PLXNC1: variants seen among roughly 807,000 people sequenced by gnomAD.
PLXNC1 encodes the protein plexin-C1.
A neutral mutation model predicts 178.2 loss-of-function variants in PLXNC1; 75 were observed. That is an observed-to-expected ratio of 0.42 (90% CI 0.35 to 0.51). The LOEUF (loss-of-function observed/expected upper bound fraction) is 0.51. PLXNC1 is among the 20% of genes least tolerant of loss of function. PLXNC1 has a pLI of 0.02. For synonymous variants in PLXNC1, 790 were observed against 779.9 expected, an observed-to-expected ratio of 1.01 and a Z score of -0.22; for missense variants, 1,503 against 1,984.4, an observed-to-expected ratio of 0.76 and a Z score of 4.61.
intron 2 of PLXNC1, chr12:94,176,518 G>T (rs1962056604): frequency 6.6e-6 from 1 of 152,152 alleles, no homozygotes; most frequent in Non-Finnish European, 1.5e-5. Context: ...GGATTATGGA[G>T]AGCATTGTTT....
chr12:94,276,002 C>T (rs1965930498), intron 21 of PLXNC1, among the ~76,000 whole-genome samples: 1 of 152,138 alleles, frequency 6.6e-6, no homozygotes, highest in African/African-American at 2.4e-5. Context: ...ACCTCTTTTC[C>T]ACCCATCCAG....
At chr12:94,152,964 T>C (rs1341676556) in intron 1 of PLXNC1, among the ~76,000 whole-genome samples, 1 of 152,246 alleles carries the variant, frequency 6.6e-6, no homozygotes, top group East Asian at 1.9e-4. Flanking sequence ...GAATCCACTT[T>C]CATAACTGTA....
chr12:94,257,818 AATGGTGTGAACCTGGGAGGCGG>A (rs1379484114), intron 17 of PLXNC1, among the ~76,000 whole-genome samples: 1 of 152,158 alleles, frequency 6.6e-6, no homozygotes, highest in Non-Finnish European at 1.5e-5. Flanking sequence ...GAGGCAGGAG[AATGGTGTGAACCTGGGAGGCGG>A]AGCTTGCAGT....
intron 2 of PLXNC1, among the ~76,000 whole-genome samples, chr12:94,175,764 C>G (rs1397282329): frequency 6.6e-6 from 1 of 152,238 alleles, no homozygotes; most frequent in Non-Finnish European, 1.5e-5. Context: ...GTGCCAGGCA[C>G]TGTTCTGGGT....
At chr12:94,216,300 C>A (rs1371376197) in intron 5 of PLXNC1, among the ~76,000 whole-genome samples, 1 of 149,032 alleles carries the variant, frequency 6.7e-6, no homozygotes, top group Non-Finnish European at 1.5e-5. Context: ...AAAGCACACA[C>A]TTCAGGAAAA....
intron 7 of PLXNC1, among the ~76,000 whole-genome samples, chr12:94,225,570 A>G (rs933144681): frequency 6.6e-6 from 1 of 152,236 alleles, no homozygotes; most frequent in African/African-American, 2.4e-5. Context: ...AGAATTATAT[A>G]GCTCAAAGAC....
intron 21 of PLXNC1, among the ~76,000 whole-genome samples, chr12:94,270,487 G>T (rs1000457483): frequency 6.6e-6 from 1 of 152,098 alleles, no homozygotes; most frequent in African/African-American, 2.4e-5. Context: ...CCACAAACAG[G>T]TTGGCCTCTT....
In PLXNC1 at chr12:94,189,281, C is replaced by T. The variant is rs190230899; in HGVS notation, c.1439+2808C>T. 3.9e-5 allele frequency among the ~76,000 whole-genome samples: 6 copies of T among 152,236 alleles called. No individual in the cohort carries two copies. The East Asian group carries it at 1.2e-3, about 29-fold the overall frequency. ...GATGATATCGATATGGATGTTGATT[C>T]ATATAATGATGGCACTTGGGCTCTA... On this transcript the variant is annotated intron_variant, in intron 4 of 30. Transcript: ENST00000258526.
chr12:94,286,427 G>A (rs1966842742), intron 23 of PLXNC1, among the ~76,000 whole-genome samples: 2 of 152,002 alleles, frequency 1.3e-5, no homozygotes, highest in African/African-American at 2.4e-5. Context: ...TGATTAAGCA[G>A]CGCCTCCGCA....
chr12:94,158,475 A>C (rs1203985689), intron 1 of PLXNC1, among the ~76,000 whole-genome samples: 3 of 152,160 alleles, frequency 2.0e-5, no homozygotes, highest in East Asian at 1.9e-4. Flanking sequence ...TATCAATCGG[A>C]AGCTCCCTAT....
intron 23 of PLXNC1, among the ~76,000 whole-genome samples, chr12:94,284,087 G>GAAAAA (rs796439911): frequency 1.9e-3 from 161 of 82,608 alleles, no homozygotes; most frequent in East Asian, 3.4e-3. Flanking sequence ...CATGTCAGGG[G>GAAAAA]AAAAAAAAAA....
chr12:94,204,355 G>C (rs574241981), intron 4 of PLXNC1, among the ~76,000 whole-genome samples: 1 of 152,324 alleles, frequency 6.6e-6, no homozygotes, highest in African/African-American at 2.4e-5. Flanking sequence ...AATTATTGCA[G>C]CTACTTAGAG....
intron 2 of PLXNC1, among the ~76,000 whole-genome samples, chr12:94,176,009 T>G (rs1329852027): frequency 6.6e-6 from 1 of 152,170 alleles, no homozygotes; most frequent in Non-Finnish European, 1.5e-5. Flanking sequence ...TATACAAGCA[T>G]ACACATGGAG....
rs962092304 is a variant in PLXNC1 at position 94,307,420 on chromosome 12, T to A, written c.*2135T>A. On this transcript the variant is annotated 3_prime_UTR_variant, in exon 31 of 31. Coordinates refer to ENST00000258526, the MANE Select transcript of PLXNC1 (RefSeq NM_005761.3). ...AAGACAATCAGTCACTGGGTCTATA[T>A]TAAACAGCAACCAGAGCAACAAATG... 6.6e-6 allele frequency: 1 copy of A among 152,244 alleles called. No individual in the cohort carries two copies. Among genetic ancestry groups the A allele is most frequent in the Non-Finnish European group, 1.5e-5 (1 of 68,042 alleles). The allele number at this position is 152,244 out of a possible 1,614,324, so 9.4% of individuals were successfully genotyped here. A position where few individuals can be genotyped will look rare whatever the true frequency, so the allele number is the denominator to read the frequency against.
chr12:94,227,069 T>A lies in PLXNC1; in HGVS notation c.1894-80T>A. ...AAAATAAATGTTTGTGACTGCCTGG[T>A]CCTACCTTCTCTTTTATGTTTGTTG... On this transcript the variant is annotated intron_variant, in intron 8 of 30. Transcript: ENST00000258526. The A allele has an allele frequency of 5.4e-6, 5 of 934,456 alleles. No homozygotes were observed. The South Asian group carries it at 6.7e-5, about 13-fold the overall frequency. 57.9% of individuals were successfully genotyped at this position (934,456 alleles called of 1,614,324 possible). A position where few individuals can be genotyped will look rare whatever the true frequency, so the allele number is the denominator to read the frequency against.
chr12:94,183,996 G>A (rs530731112), intron 3 of PLXNC1, among the ~76,000 whole-genome samples: 2 of 152,200 alleles, frequency 1.3e-5, no homozygotes, highest in South Asian at 4.1e-4. Flanking sequence ...CCATAAAATG[G>A]TATGATACGG....
rs1037104698 is a variant in PLXNC1 at position 94,219,896 on chromosome 12, C to G, written c.1555-120C>G. On this transcript the variant is annotated intron_variant, in intron 5 of 30. Coordinates refer to ENST00000258526, the MANE Select transcript of PLXNC1 (RefSeq NM_005761.3). ...ACCCAGAAACATCTATTCTTTACATCAGCTCTTCTGAGAAATTCTCCCTCC... is the reference window on the plus strand; with the variant it reads ...ACCCAGAAACATCTATTCTTTACATGAGCTCTTCTGAGAAATTCTCCCTCC... 7.4e-6 allele frequency: 5 copies of G among 675,108 alleles called. No homozygotes were observed. The Admixed American group carries it at 1.2e-4, about 16-fold the overall frequency. The allele number at this position is 675,108 out of a possible 1,614,324, so 41.8% of individuals were successfully genotyped here.
At chr12:94,185,197 C>G (rs972167815) in intron 3 of PLXNC1, among the ~76,000 whole-genome samples, 34 of 152,318 alleles carry the variant, frequency 2.2e-4, no homozygotes, top group African/African-American at 7.9e-4. Flanking sequence ...GGGCTGCCAG[C>G]TGCATCTGTC....
chr12:94,237,635 C>T (rs1433895667), intron 9 of PLXNC1, 29 bp from the exon 10 acceptor site: 2 of 1,597,420 alleles, frequency 1.3e-6, no homozygotes, highest in Non-Finnish European at 8.6e-7. Flanking sequence ...TAGCTTTGAT[C>T]TCCTGTTTTA....
Sources: allele counts gnomAD v4.1 joint callset (sites outside exome capture counted in the v4.1 genomes callset), GRCh38; gene constraint gnomAD v4.1.1; transcripts MANE v1.5; gene names NCBI Gene and HGNC (gene_info 2026-07-23, HGNC 2026-07-21).